BCO1: variants seen among roughly 807,000 people sequenced by gnomAD.
BCO1 encodes beta-carotene oxygenase 1, also known as beta,beta-carotene 15,15'-dioxygenase.
BCO1 carries 54 observed loss-of-function variants against 56.3 expected under a neutral mutation model. The ratio of observed to expected loss-of-function variants is 0.96; its 90% confidence interval spans 0.77 to 1.20. The LOEUF (loss-of-function observed/expected upper bound fraction) is 1.20. BCO1 is among the 50% of genes most tolerant of loss of function. The pLI is 0.00. For missense variants in BCO1, 801 were observed against 690.9 expected, an observed-to-expected ratio of 1.16 and a Z score of -1.79; for synonymous variants, 318 against 266.1, an observed-to-expected ratio of 1.20 and a Z score of -1.90.
chr16:81,269,065 CTTTTTTT>C (rs71146003), intron 6 of BCO1, among the ~76,000 whole-genome samples: 5 of 83,064 alleles, frequency 6.0e-5, no homozygotes, highest in African/African-American at 2.2e-4. Context: ...TGCACCTGGT[CTTTTTTT>C]TTTTTTTTTT....
chr16:81,270,525 T>TA, intron 7 of BCO1, 109 bp downstream of exon 7: 1 of 1,431,010 alleles, frequency 7.0e-7, no homozygotes, highest in African/African-American at 1.4e-5. Flanking sequence ...GAACTGTTCT[T>TA]GAAAAAAAAA....
At chr16:81,270,059 G>T in intron 6 of BCO1, 100 bp from the exon 7 acceptor site, 1 of 1,468,568 alleles carries the variant, frequency 6.8e-7, no homozygotes, top group African/African-American at 1.4e-5. Flanking sequence ...ATAGTCCTGA[G>T]CCTAGCTCCT....
chr16:81,255,499 T>A (rs997443392), intron 2 of BCO1, among the ~76,000 whole-genome samples: 27 of 151,296 alleles, frequency 1.8e-4, no homozygotes, highest in South Asian at 1.2e-3. Context: ...TGTTATTTTT[T>A]TTTATTTTTT....
At chr16:81,270,063 A>C (rs957512114) in intron 6 of BCO1, 96 bp from the exon 7 acceptor site, 26 of 1,498,748 alleles carry the variant, frequency 1.7e-5, no homozygotes, top group Non-Finnish European at 2.2e-5. Flanking sequence ...TCCTGAGCCT[A>C]GCTCCTGGCG....
chr16:81,244,140 G>A (rs1905262477), intron 1 of BCO1, among the ~76,000 whole-genome samples: 2 of 152,248 alleles, frequency 1.3e-5, no homozygotes, highest in African/African-American at 4.8e-5. Context: ...CACTCAGGCA[G>A]GGAGCTGCAG....
At chr16:81,262,424 G>A (rs1045492503) in intron 4 of BCO1, 141 bp downstream of exon 4, 4 of 849,036 alleles carry the variant, frequency 4.7e-6, no homozygotes, top group African/African-American at 3.4e-5. Context: ...GTGCCCTAGC[G>A]CCACACTTAC....
intron 7 of BCO1, 107 bp from the exon 8 acceptor site, chr16:81,280,750 C>A: frequency 1.3e-6 from 1 of 797,114 alleles, no homozygotes; most frequent in Non-Finnish European, 2.1e-6. Flanking sequence ...TGAGGCTAAG[C>A]CAAGATGACA....
At position 81,285,539 on chromosome 16, in the gene BCO1, G is replaced by A; in HGVS notation, c.1208-1G>A. Reference sequence around the variant, plus strand: ...TCATCCACCTCCTCATTTCCTTGTAGGCTTAGAGCTTCCACGGGTCAATTA... The same window carrying A: ...TCATCCACCTCCTCATTTCCTTGTAAGCTTAGAGCTTCCACGGGTCAATTA... On this transcript the variant is annotated splice_acceptor_variant, in intron 8 of 10. Coordinates refer to ENST00000258168, the MANE Select transcript of BCO1 (RefSeq NM_017429.3). LOFTEE classifies it high-confidence loss of function. The A allele has an allele frequency of 6.2e-7, 1 of 1,609,650 alleles. No homozygotes were observed. The highest frequency in any genetic ancestry group is 8.5e-7 in the Non-Finnish European group (1 of 1,175,940).
rs141792808 is a variant in BCO1, at chr16:81,244,410, A to G, written c.65-1065A>G. 7.6e-4 allele frequency among the ~76,000 whole-genome samples: 116 copies of G among 152,238 alleles called. 3 individuals carry two copies. Among genetic ancestry groups the G allele is most frequent in the Non-Finnish European group, 1.3e-3 (86 of 67,980 alleles). ...AGTTCAACATGAAATCAATATTTAA[A>G]AAATTGCTAATGAGATGGTTCACTT... On this transcript the variant is annotated intron_variant, in intron 1 of 10. Coordinates refer to ENST00000258168, the MANE Select transcript of BCO1 (RefSeq NM_017429.3).
At chr16:81,248,456 G>C (rs968592316) in intron 2 of BCO1, among the ~76,000 whole-genome samples, 1 of 149,118 alleles carries the variant, frequency 6.7e-6, no homozygotes, top group Non-Finnish European at 1.5e-5. Context: ...TTTTGAGCTA[G>C]TCAGCAATTA....
chr16:81,239,014 T>C, intron 1 of BCO1, 42 bp downstream of exon 1: 1 of 1,534,920 alleles, frequency 6.5e-7, no homozygotes, highest in Non-Finnish European at 8.8e-7. Flanking sequence ...TTCTATTTAT[T>C]TTATTATTTT....
chr16:81,286,178 T>C (rs763004604), intron 9 of BCO1, among the ~76,000 whole-genome samples: 14 of 152,318 alleles, frequency 9.2e-5, no homozygotes, highest in Non-Finnish European at 1.8e-4. Context: ...CGAGCCACCA[T>C]GCCTGGCCCA....
rs58969930 is a variant in BCO1, at chr16:81,270,692, C to CTGTGTG, written c.1101+299_1101+304dup. Among the ~76,000 whole-genome samples the CTGTGTG allele has an allele frequency of 9.2e-3, 1,327 of 143,756 alleles. 20 individuals are homozygous for CTGTGTG. The highest frequency in any genetic ancestry group is 0.028 in the African/African-American group (1,095 of 39,696). 94.3% of individuals were successfully genotyped at this position (143,756 alleles called of 152,430 possible). On this transcript the variant is annotated intron_variant, in intron 7 of 10. Coordinates refer to ENST00000258168, the MANE Select transcript of BCO1 (RefSeq NM_017429.3). ...TGTCTCCCAGTCTCTCTCTCTGTGT[C>CTGTGTG]TGTGTGTGTGTGTGTGTGTGTGTGT...
intron 7 of BCO1, among the ~76,000 whole-genome samples, chr16:81,274,808 G>A (rs1907454838): frequency 6.6e-6 from 1 of 151,994 alleles, no homozygotes. Flanking sequence ...AACCCAGGAG[G>A]TGGAGGCTGC....
chr16:81,250,823 C>T (rs959326515), intron 2 of BCO1, among the ~76,000 whole-genome samples: 1 of 152,120 alleles, frequency 6.6e-6, no homozygotes, highest in Admixed American at 6.6e-5. Flanking sequence ...TCAGGTGATC[C>T]ACTTGCCTGG....
At chr16:81,290,270 G>A (rs752274372) in intron 10 of BCO1, 78 bp from the exon 11 acceptor site, 7 of 1,197,856 alleles carry the variant, frequency 5.8e-6, no homozygotes, top group Middle Eastern at 1.9e-4. Context: ...AAAGAGGGCA[G>A]AGAGACATGC....
chr16:81,267,932 C>T lies in BCO1; in HGVS notation c.644C>T (p.Pro215Leu). Residue 215 changes from proline to leucine, a missense_variant, in exon 6 of 11, where the codon CCC (proline) becomes CTC (leucine). Physicochemically the swap from Pro to Leu is moderately conservative, Grantham distance 98 (BLOSUM62 -3). Coordinates refer to ENST00000258168, the MANE Select transcript of BCO1 (RefSeq NM_017429.3). The part of the protein sequence containing the change: ...VPEGKKQGKS[P>L]WKHTEVFCSI... The stretch of plus-strand genomic sequence containing the variant: ...GAGGGCAAGAAGCAGGGGAAGAGCC[C>T]CTGGAAGCACACAGAGGTGTTCTGC... 1 of 1,613,762 alleles carries T rather than the reference C, an allele frequency of 6.2e-7. No individual in the cohort carries two copies. Among genetic ancestry groups the T allele is most frequent in the Non-Finnish European group, 8.5e-7 (1 of 1,179,988 alleles).
chr16:81,282,116 C>A (rs1189528736), intron 8 of BCO1, among the ~76,000 whole-genome samples: 1 of 152,188 alleles, frequency 6.6e-6, no homozygotes, highest in East Asian at 1.9e-4. Flanking sequence ...CGGTGGCTCA[C>A]GCCTGTAATC....
chr16:81,263,143 C>T (rs868430784), intron 4 of BCO1: 2 of 138,028 alleles, frequency 1.4e-5, no homozygotes, highest in Admixed American at 7.7e-5. Flanking sequence ...AAGTGTCTTG[C>T]TCTGTCGCCC....
Sources: allele counts gnomAD v4.1 joint callset (sites outside exome capture counted in the v4.1 genomes callset), GRCh38; gene constraint gnomAD v4.1.1; transcripts MANE v1.5; gene names NCBI Gene and HGNC (gene_info 2026-07-23, HGNC 2026-07-21).